The following NUF2 variants were observed in gnomAD, a reference collection of about 807,000 sequenced individuals.
The protein encoded by NUF2 is kinetochore protein Nuf2.
NUF2 carries 34 observed loss-of-function variants against 61.8 expected under a neutral mutation model. The ratio of observed to expected loss-of-function variants is 0.55; its 90% confidence interval spans 0.42 to 0.73. The LOEUF is 0.73. NUF2 is among the 30% of genes least tolerant of loss of function. The pLI is 0.00. For missense variants in NUF2, 445 were observed against 539.1 expected, an observed-to-expected ratio of 0.83 and a Z score of 1.73; for synonymous variants, 172 against 181.6, an observed-to-expected ratio of 0.95 and a Z score of 0.42.
chr1:163,337,957 A>G (rs1650816708), intron 6 of NUF2, 63 bp from the exon 7 acceptor site: 4 of 1,259,296 alleles, frequency 3.2e-6, no homozygotes, highest in Non-Finnish European at 4.7e-6. Context: ...ATGAGTAAAC[A>G]TTTTGGACAC....
At chr1:163,351,971 A>G (rs1651336093) in intron 13 of NUF2, among the ~76,000 whole-genome samples, 2 of 152,046 alleles carry the variant, frequency 1.3e-5, no homozygotes, top group African/African-American at 4.8e-5. Context: ...TGTTCTGTCC[A>G]CTCACAACAA....
At chr1:163,326,293 C>A in intron 2 of NUF2, 119 bp downstream of exon 2, 1 of 829,050 alleles carries the variant, frequency 1.2e-6, no homozygotes, top group Non-Finnish European at 1.8e-6. Context: ...CAGTCATTTT[C>A]ATTGAGAGAG....
In NUF2 at chr1:163,336,761, G is replaced by A; in HGVS notation, c.348G>A (p.Arg116=). The A allele has an allele frequency of 6.2e-7, 1 of 1,610,190 alleles. No individual in the cohort carries two copies. Among genetic ancestry groups the A allele is most frequent in the Non-Finnish European group, 8.5e-7 (1 of 1,176,806 alleles). ...TGCTTTCTATTTTAGAAGCAAAACG[G>A]ACAAGTCGGTTTTTAAGTGGCATTA... is the stretch of plus-strand genomic sequence containing the variant. ...TADILCPKAK[R]TSRFLSGIIN... The change falls in exon 6 of 14, where the codon CGG becomes CGA. Residue 116 remains arginine, a synonymous_variant. Coordinates refer to ENST00000271452, the MANE Select transcript of NUF2 (RefSeq NM_145697.3).
chr1:163,333,334 T>C (rs1303418006), intron 5 of NUF2, among the ~76,000 whole-genome samples: 1 of 152,100 alleles, frequency 6.6e-6, no homozygotes, highest in Non-Finnish European at 1.5e-5. Flanking sequence ...AGCATATGGT[T>C]GGGTCTTGCT....
chr1:163,338,862 G>GA (rs1210708052), intron 7 of NUF2, among the ~76,000 whole-genome samples: 3 of 152,014 alleles, frequency 2.0e-5, no homozygotes, highest in Non-Finnish European at 4.4e-5. Context: ...AAACTGACAG[G>GA]AAAAATGATA....
intron 11 of NUF2, 60 bp from the exon 12 acceptor site, chr1:163,347,703 C>T (rs1651178600): frequency 2.7e-6 from 3 of 1,094,058 alleles, no homozygotes; most frequent in South Asian, 2.3e-5. Flanking sequence ...AATATTCTTT[C>T]ATTTTATTTC....
chr1:163,340,310 G>A, intron 8 of NUF2, 54 bp from the exon 9 acceptor site: 1 of 1,335,648 alleles, frequency 7.5e-7, no homozygotes, highest in Non-Finnish European at 1.1e-6. Flanking sequence ...AGCAGTGAGT[G>A]GCTAAATCTA....
chr1:163,327,644 C>A (rs1650469568), intron 3 of NUF2, 82 bp downstream of exon 3: 3 of 821,756 alleles, frequency 3.7e-6, no homozygotes, highest in Non-Finnish European at 6.2e-6. Context: ...GCTTACAATG[C>A]ATACTGGCTT....
intron 13 of NUF2, among the ~76,000 whole-genome samples, chr1:163,349,677 C>A (rs1221785776): frequency 6.6e-6 from 1 of 152,282 alleles, no homozygotes; most frequent in South Asian, 2.1e-4. Context: ...TTAATACTAA[C>A]AGAGCCACAG....
chr1:163,327,561 T>C lies in NUF2; in HGVS notation c.197T>C (p.Met66Thr). The change falls in exon 3 of 14, where the codon ATG becomes ACG. Residue 66 changes from methionine (M) to threonine (T), a missense_variant and splice_region_variant. Coordinates refer to ENST00000271452, the MANE Select transcript of NUF2 (RefSeq NM_145697.3). Reference protein sequence around the residue: ...VYGIRLEHFYMMPVNSEVMYP... With the variant: ...VYGIRLEHFYTMPVNSEVMYP... The stretch of plus-strand genomic sequence containing the variant: ...GGAATTCGACTGGAACATTTTTACA[T>C]GGTGAGTTTAAGATGAGGCAAAATT... 1 of 1,600,874 alleles carries C rather than the reference T, an allele frequency of 6.2e-7. No homozygotes were observed. Among genetic ancestry groups the C allele is most frequent in the Non-Finnish European group, 8.6e-7 (1 of 1,168,164 alleles).
At chr1:163,326,314 CTAGCA>C in intron 2 of NUF2, 140 bp downstream of exon 2, 1 of 648,266 alleles carries the variant, frequency 1.5e-6, no homozygotes, top group Non-Finnish European at 2.5e-6. Flanking sequence ...AATCTCTCAC[CTAGCA>C]TAATTTAAAA....
intron 1 of NUF2, among the ~76,000 whole-genome samples, chr1:163,324,310 A>G (rs1433065057): frequency 6.6e-6 from 1 of 152,264 alleles, no homozygotes; most frequent in African/African-American, 2.4e-5. Context: ...ACCACAAAAC[A>G]TATTTCCACA....
chr1:163,344,821 G>C (rs978988124), intron 10 of NUF2, among the ~76,000 whole-genome samples: 2 of 151,910 alleles, frequency 1.3e-5, no homozygotes, highest in African/African-American at 4.8e-5. Flanking sequence ...ATAGATTTGA[G>C]TATTAATGAG....
At chr1:163,350,097 C>T (rs528323706) in intron 13 of NUF2, among the ~76,000 whole-genome samples, 16 of 151,572 alleles carry the variant, frequency 1.1e-4, no homozygotes, top group Non-Finnish European at 1.9e-4. Context: ...GTCAGGAGAT[C>T]GAGACCATCC....
intron 5 of NUF2, among the ~76,000 whole-genome samples, chr1:163,335,494 A>G (rs1368564351): frequency 6.6e-6 from 1 of 151,792 alleles, no homozygotes. Flanking sequence ...GGCTGCTTCT[A>G]AGATTTTTTT....
chr1:163,325,097 A>C (rs894586266), intron 1 of NUF2, among the ~76,000 whole-genome samples: 1 of 151,940 alleles, frequency 6.6e-6, no homozygotes, highest in African/African-American at 2.4e-5. Context: ...GGGTTTCATC[A>C]TGTTGCCCAG....
At chr1:163,326,319 A>G (rs1650416145) in intron 2 of NUF2, 145 bp downstream of exon 2, 1 of 629,886 alleles carries the variant, frequency 1.6e-6, no homozygotes, top group Non-Finnish European at 2.6e-6. Context: ...CTCACCTAGC[A>G]TAATTTAAAA....
intron 3 of NUF2, 88 bp from the exon 4 acceptor site, chr1:163,328,140 G>C: frequency 1.3e-6 from 1 of 771,134 alleles, no homozygotes; most frequent in East Asian, 2.5e-5. Flanking sequence ...TAATGATAGT[G>C]AGTTAATATA....
In NUF2 at chr1:163,322,024, C is replaced by G. The variant is rs895198914; in HGVS notation, c.-209C>G. 6.6e-6 allele frequency: 1 copy of G among 152,300 alleles called. No homozygotes were observed. Among genetic ancestry groups the G allele is most frequent in the Admixed American group, 6.5e-5 (1 of 15,290 alleles). 9.4% of individuals were successfully genotyped at this position (152,300 alleles called of 1,614,324 possible). A position where few individuals can be genotyped will look rare whatever the true frequency, so the allele number is the denominator to read the frequency against. ...TGATTTTTGACTTTGCTTGTAGCTG[C>G]TCCCCGAACTCGCCGTCTTCCTGTC... On this transcript the variant is annotated 5_prime_UTR_variant, in exon 1 of 14. Transcript: ENST00000271452.
Sources: gnomAD v4.1 joint callset for allele counts (sites outside exome capture counted in the v4.1 genomes callset) on GRCh38, gnomAD v4.1.1 for gene constraint, MANE v1.5 for transcripts, NCBI Gene and HGNC (gene_info 2026-07-23, HGNC 2026-07-21) for gene names.